Variants in ZNF469 observed in about 807,000 individuals in gnomAD.
ZNF469 encodes zinc finger protein 469.
A neutral mutation model predicts 1.0 loss-of-function variants in ZNF469; 1 was observed. That is an observed-to-expected ratio of 1.00 (90% CI 0.35 to 4.73). The LOEUF (loss-of-function observed/expected upper bound fraction) is 4.73, where lower values mean the gene tolerates loss of function less well. Among genes scored for constraint, ZNF469 ranks in the 30% most tolerant of loss-of-function variants. The pLI, the probability that ZNF469 is intolerant of heterozygous loss-of-function variation, is 0.16. For missense variants in ZNF469, 6,100 were observed against 5,356.3 expected, an observed-to-expected ratio of 1.14 and a Z score of -4.33; for synonymous variants, 2,703 against 2,363.4, an observed-to-expected ratio of 1.14 and a Z score of -4.17.
At chr16:88,361,900 G>A in the ZNF469 span, among the ~76,000 whole-genome samples, 1 of 152,304 alleles carries the variant, frequency 6.6e-6, no homozygotes, top group East Asian at 1.9e-4. Flanking sequence ...TTGTGCCTGT[G>A]TCATTGGTTG....
chr16:88,323,335 A>G, the ZNF469 span, among the ~76,000 whole-genome samples: 2 of 152,316 alleles, frequency 1.3e-5, no homozygotes, highest in South Asian at 4.2e-4. Context: ...TTACAGGGCC[A>G]CAGACCTGTC....
At chr16:88,161,810 G>C in the ZNF469 span, among the ~76,000 whole-genome samples, 1 of 152,214 alleles carries the variant, frequency 6.6e-6, no homozygotes, top group Admixed American at 6.5e-5. Flanking sequence ...ACGTGAGCTT[G>C]CGTGGCTCGT....
the ZNF469 span, among the ~76,000 whole-genome samples, chr16:88,264,312 A>G: frequency 1.3e-5 from 2 of 151,488 alleles, no homozygotes; most frequent in Admixed American, 1.3e-4. Flanking sequence ...CATGCAGCTC[A>G]ACTCCCACGT....
At chr16:88,206,840 G>A in the ZNF469 span, among the ~76,000 whole-genome samples, 3 of 56,936 alleles carry the variant, frequency 5.3e-5, no homozygotes, top group Admixed American at 1.7e-4. Flanking sequence ...AGGCCGCGGG[G>A]ACGGAGGGGA....
At chr16:88,377,367 G>A in the ZNF469 span, among the ~76,000 whole-genome samples, 3 of 152,232 alleles carry the variant, frequency 2.0e-5, no homozygotes, top group Non-Finnish European at 2.9e-5. Context: ...CTCCCGCTGG[G>A]CCCGCCACCC....
the ZNF469 span, among the ~76,000 whole-genome samples, chr16:88,291,836 G>T: frequency 6.6e-6 from 1 of 152,136 alleles, no homozygotes; most frequent in Non-Finnish European, 1.5e-5. Context: ...TCTGGGGAGA[G>T]AAGAACCACC....
At chr16:88,233,489 G>A in the ZNF469 span, among the ~76,000 whole-genome samples, 2 of 152,318 alleles carry the variant, frequency 1.3e-5, no homozygotes, top group South Asian at 4.2e-4. Context: ...CACCTTGGAT[G>A]GGCCCCAGGC....
chr16:88,272,661 A>G, the ZNF469 span, among the ~76,000 whole-genome samples: 27 of 132,898 alleles, frequency 2.0e-4, no homozygotes, highest in East Asian at 9.8e-4. Context: ...TGGACAGATG[A>G]ATGAACGGGT....
the ZNF469 span, among the ~76,000 whole-genome samples, chr16:88,279,090 G>GA: frequency 1.5e-5 from 2 of 134,932 alleles, 1 homozygote; most frequent in Non-Finnish European, 3.4e-5. Context: ...GCGCCATGCC[G>GA]ACACTTGGTC....
chr16:88,239,730 T>A, the ZNF469 span, among the ~76,000 whole-genome samples: 9 of 56,038 alleles, frequency 1.6e-4, no homozygotes, highest in Non-Finnish European at 1.0e-4. Context: ...TTTTTTTTTT[T>A]TTTTTTTTTT....
the ZNF469 span, among the ~76,000 whole-genome samples, chr16:88,146,972 G>A: frequency 2.6e-5 from 4 of 152,060 alleles, no homozygotes; most frequent in Non-Finnish European, 4.4e-5. Flanking sequence ...CTGTCCCCAC[G>A]TCAGGAGGGG....
chr16:88,389,567 A>T (rs1254417677), intron 1 of ZNF469, among the ~76,000 whole-genome samples: 2 of 151,800 alleles, frequency 1.3e-5, no homozygotes, highest in Non-Finnish European at 2.9e-5. Context: ...GCCTTCAAGG[A>T]GCTGCCCCAC....
the ZNF469 span, among the ~76,000 whole-genome samples, chr16:88,288,307 A>C: frequency 6.6e-6 from 1 of 152,148 alleles, no homozygotes; most frequent in Non-Finnish European, 1.5e-5. Context: ...GGAGGCACGC[A>C]TGTTGAGAAC....
the ZNF469 span, among the ~76,000 whole-genome samples, chr16:88,274,172 C>G: frequency 6.6e-6 from 1 of 152,226 alleles, no homozygotes; most frequent in Non-Finnish European, 1.5e-5. Flanking sequence ...TGAGGACATT[C>G]TGCTCAATGA....
At chr16:88,292,214 C>G in the ZNF469 span, among the ~76,000 whole-genome samples, 21 of 152,178 alleles carry the variant, frequency 1.4e-4, no homozygotes, top group Non-Finnish European at 2.4e-4. Flanking sequence ...TAGCACTGAG[C>G]TGCCTGGTGT....
At chr16:88,192,811 ATGG>A in the ZNF469 span, among the ~76,000 whole-genome samples, 2 of 49,462 alleles carry the variant, frequency 4.0e-5, no homozygotes, top group Non-Finnish European at 4.4e-5. Flanking sequence ...GATGGTAATG[ATGG>A]TGATGGTGGT....
chr16:88,325,788 T>G, the ZNF469 span, among the ~76,000 whole-genome samples: 7 of 152,166 alleles, frequency 4.6e-5, no homozygotes, highest in Admixed American at 3.9e-4. Flanking sequence ...GGTCCTTCCT[T>G]CCCCTCTTTC....
At chr16:88,226,478 C>T in the ZNF469 span, among the ~76,000 whole-genome samples, 1,017 of 152,262 alleles carry the variant, frequency 6.7e-3, 13 homozygotes, top group African/African-American at 0.024. Context: ...CCAGCGCCTC[C>T]AGAAGGAGCC....
At chr16:88,371,523 G>C in the ZNF469 span, among the ~76,000 whole-genome samples, 1 of 152,178 alleles carries the variant, frequency 6.6e-6, no homozygotes, top group African/African-American at 2.4e-5. Context: ...GAAGGGGTTT[G>C]CCCAAAGCTG....
Sources: gnomAD v4.1 joint callset for allele counts (sites outside exome capture counted in the v4.1 genomes callset) on GRCh38, gnomAD v4.1.1 for gene constraint, MANE v1.5 for transcripts, NCBI Gene and HGNC (gene_info 2026-07-23, HGNC 2026-07-21) for gene names.